RCSD1: variants seen among roughly 807,000 people sequenced by gnomAD.
RCSD1 encodes capZ-interacting protein.
In RCSD1, 26 loss-of-function variants were observed where a neutral mutation model predicts 42.5. The observed-to-expected ratio is 0.61, with a 90% CI of 0.45 to 0.85. The LOEUF is 0.85. RCSD1 is among the 40% of genes least tolerant of loss of function. The probability of loss-of-function intolerance (pLI) is 0.00; values close to 1 mark genes in which losing one functional copy is unlikely to be tolerated. For missense variants in RCSD1, 571 were observed against 528.3 expected (o/e 1.08, Z -0.79); for synonymous variants, 220 against 212.2 (o/e 1.04, Z -0.32).
chr1:167,675,713 C>T (rs777694982), intron 1 of RCSD1, among the ~76,000 whole-genome samples: 5 of 152,186 alleles, frequency 3.3e-5, no homozygotes, highest in African/African-American at 4.8e-5. Flanking sequence ...CTAGATACCA[C>T]GCACATCCAT....
chr1:167,706,200 C>T lies in RCSD1; in HGVS notation c.*1504C>T, dbSNP rs1241368208. 1 of 152,098 alleles carries T rather than the reference C, an allele frequency of 6.6e-6. No individual in the cohort carries two copies. The highest frequency in any genetic ancestry group is 1.5e-5 in the Non-Finnish European group (1 of 68,010). The allele number at this position is 152,098 out of a possible 1,614,324, so 9.4% of individuals were successfully genotyped here. A position where few individuals can be genotyped will look rare whatever the true frequency, so the allele number is the denominator to read the frequency against. On this transcript the variant is annotated 3_prime_UTR_variant, in exon 7 of 7. Transcript: ENST00000367854. ...TAACAAACTTGTAACCTGGTTGGGA[C>T]TGATATTGTCATAGCTATGATAAAC...
Position 167,706,212 on chromosome 1 carries a change from T to C in RCSD1, c.*1516T>C, listed in dbSNP as rs1030187020. ...AACCTGGTTGGGACTGATATTGTCA[T>C]AGCTATGATAAACTTTGGATATTAG... is the stretch of plus-strand genomic sequence containing the variant. On this transcript the variant is annotated 3_prime_UTR_variant, in exon 7 of 7. Transcript: ENST00000367854. 6.6e-6 allele frequency: 1 copy of C among 152,234 alleles called. No homozygotes were observed. The highest frequency in any genetic ancestry group is 1.5e-5 in the Non-Finnish European group (1 of 68,044). 9.4% of individuals were successfully genotyped at this position (152,234 alleles called of 1,614,324 possible).
chr1:167,678,701 T>A (rs1659008622), intron 1 of RCSD1, among the ~76,000 whole-genome samples: 1 of 152,092 alleles, frequency 6.6e-6, no homozygotes, highest in African/African-American at 2.4e-5. Context: ...ACCCTCCAAA[T>A]GACATCCTGC....
intron 1 of RCSD1, among the ~76,000 whole-genome samples, chr1:167,643,274 C>T (rs1369179396): frequency 4.6e-5 from 7 of 152,138 alleles, no homozygotes; most frequent in African/African-American, 9.7e-5. Context: ...AAAGCACTGG[C>T]GCTCTCTGTG....
chr1:167,637,797 A>T (rs899973936), intron 1 of RCSD1, among the ~76,000 whole-genome samples: 2 of 151,470 alleles, frequency 1.3e-5, no homozygotes, highest in Non-Finnish European at 2.9e-5. Context: ...TTCCACCTGC[A>T]GCCCCGCTCA....
intron 1 of RCSD1, among the ~76,000 whole-genome samples, chr1:167,672,752 A>G (rs191989680): frequency 6.6e-6 from 1 of 152,344 alleles, no homozygotes; most frequent in Admixed American, 6.5e-5. Flanking sequence ...CACAGGTTCC[A>G]GGGACTAGGA....
chr1:167,635,524 C>T (rs943927144), intron 1 of RCSD1, among the ~76,000 whole-genome samples: 1 of 152,206 alleles, frequency 6.6e-6, no homozygotes, highest in African/African-American at 2.4e-5. Flanking sequence ...TGGCTCCTCA[C>T]AGCACTGCGA....
At chr1:167,639,212 G>A (rs1260616606) in intron 1 of RCSD1, among the ~76,000 whole-genome samples, 2 of 150,840 alleles carry the variant, frequency 1.3e-5, no homozygotes, top group South Asian at 2.1e-4. Flanking sequence ...GGGAGACTCC[G>A]TCTCAAAACA....
Position 167,707,120 on chromosome 1 carries a change from G to A in RCSD1, c.*2424G>A, listed in dbSNP as rs1659773288. 6.6e-6 allele frequency among the ~76,000 whole-genome samples: 1 copy of A among 152,274 alleles called. No individual in the cohort carries two copies. The highest frequency in any genetic ancestry group is 1.9e-4 in the East Asian group (1 of 5,182). On this transcript the variant is annotated 3_prime_UTR_variant, in exon 7 of 7. Transcript: ENST00000367854. ...AAAAAAAACCTGGATGCTTTGAAGG[G>A]ATCTGCCACTATTTAAAAGGGGATT...
rs547936760 is a variant in RCSD1 at position 167,650,951 on chromosome 1, G to A, written c.6+20522G>A. On this transcript the variant is annotated intron_variant, in intron 1 of 6. Transcript: ENST00000367854. ...GCAAAACTTTATTTCCTTGCAATTC[G>A]AGAGGCTAGAAATGTGAGACGGAGG... Among the ~76,000 whole-genome samples the A allele has an allele frequency of 4.5e-4, 68 of 152,266 alleles. 1 individual carries two copies. The highest frequency in any genetic ancestry group is 1.5e-3 in the African/African-American group (61 of 41,540).
intron 1 of RCSD1, among the ~76,000 whole-genome samples, chr1:167,657,739 T>C (rs539671794): frequency 6.6e-6 from 1 of 152,216 alleles, no homozygotes; most frequent in East Asian, 1.9e-4. Context: ...AAATCAGACG[T>C]CCTGGAGAGC....
chr1:167,634,994 T>C (rs1419186173), intron 1 of RCSD1, among the ~76,000 whole-genome samples: 1 of 152,136 alleles, frequency 6.6e-6, no homozygotes, highest in Non-Finnish European at 1.5e-5. Context: ...ATATAATGTG[T>C]TTGTTTTGTG....
intron 6 of RCSD1, among the ~76,000 whole-genome samples, chr1:167,701,980 CT>C (rs1230240072): frequency 6.6e-6 from 1 of 152,224 alleles, no homozygotes; most frequent in Admixed American, 6.5e-5. Context: ...TTCTAACCCC[CT>C]AACCTAATTC....
At chr1:167,667,629 T>A (rs1658692518) in intron 1 of RCSD1, among the ~76,000 whole-genome samples, 1 of 152,208 alleles carries the variant, frequency 6.6e-6, no homozygotes. Context: ...GACAGGAGGC[T>A]CAGATTGTTA....
intron 1 of RCSD1, among the ~76,000 whole-genome samples, chr1:167,672,875 A>G (rs529062394): frequency 6.6e-6 from 1 of 152,204 alleles, no homozygotes; most frequent in Non-Finnish European, 1.5e-5. Flanking sequence ...CCAGAGGTAT[A>G]GACCATGCTC....
chr1:167,664,100 ATT>A (rs1658599080), intron 1 of RCSD1: 1 of 152,196 alleles, frequency 6.6e-6, no homozygotes, highest in Admixed American at 6.5e-5. Context: ...AGGGGGTGTT[ATT>A]ATCCTCATTT....
intron 1 of RCSD1, among the ~76,000 whole-genome samples, chr1:167,673,843 C>T (rs909861920): frequency 6.6e-6 from 1 of 152,208 alleles, no homozygotes; most frequent in Admixed American, 6.5e-5. Context: ...CCCTCATGCC[C>T]ACCTTCTCTC....
At chr1:167,673,015 G>C (rs1019076063) in intron 1 of RCSD1, among the ~76,000 whole-genome samples, 2 of 152,160 alleles carry the variant, frequency 1.3e-5, no homozygotes, top group African/African-American at 4.8e-5. Context: ...CAGATGAGGA[G>C]GCTGAGACTG....
chr1:167,684,171 G>A (rs1659163028), intron 2 of RCSD1, among the ~76,000 whole-genome samples, 170 bp downstream of exon 2: 1 of 152,244 alleles, frequency 6.6e-6, no homozygotes, highest in African/African-American at 2.4e-5. Flanking sequence ...CACTGCTGCT[G>A]TGCCTGGACA....
Sources: gnomAD v4.1 joint callset for allele counts (sites outside exome capture counted in the v4.1 genomes callset) on GRCh38, gnomAD v4.1.1 for gene constraint, MANE v1.5 for transcripts, NCBI Gene and HGNC (gene_info 2026-07-23, HGNC 2026-07-21) for gene names.